POC1A: variants seen among roughly 807,000 people sequenced by gnomAD.
POC1A encodes POC1 centriolar protein A.
In POC1A, 34 loss-of-function variants were observed where a neutral mutation model predicts 47.8. The observed-to-expected ratio is 0.71, with a 90% CI of 0.54 to 0.95. The LOEUF (loss-of-function observed/expected upper bound fraction) is 0.95, where lower values mean the gene tolerates loss of function less well. Among genes scored for constraint, POC1A ranks in the 40% least tolerant of loss-of-function variants. The pLI is 0.00. For missense variants in POC1A, 466 were observed against 528.3 expected, an observed-to-expected ratio of 0.88 and a Z score of 1.16; for synonymous variants, 177 against 207.6, an observed-to-expected ratio of 0.85 and a Z score of 1.27.
At chr3:52,125,417 G>C (rs1703960319) in intron 7 of POC1A, among the ~76,000 whole-genome samples, 1 of 152,164 alleles carries the variant, frequency 6.6e-6, no homozygotes, top group Admixed American at 6.5e-5. Flanking sequence ...CAGGCTATGA[G>C]AATGTGGGTG....
At chr3:52,103,676 G>T (rs1285585528) in intron 9 of POC1A, among the ~76,000 whole-genome samples, 2 of 152,074 alleles carry the variant, frequency 1.3e-5, no homozygotes, top group African/African-American at 4.8e-5. Context: ...AGAAAAAATT[G>T]ATAAAATGAA....
At position 52,111,205 on chromosome 3, in the gene POC1A, AT is replaced by A. The variant is rs202149541; in HGVS notation, c.981+11173del. 8.6e-3 allele frequency among the ~76,000 whole-genome samples: 1,316 copies of A among 152,248 alleles called. 25 individuals are homozygous for A. Among genetic ancestry groups the A allele is most frequent in the African/African-American group, 0.03 (1,265 of 41,532 alleles). On this transcript the variant is annotated intron_variant, in intron 9 of 10. Coordinates refer to ENST00000296484, the MANE Select transcript of POC1A (RefSeq NM_015426.5). Reference sequence around the variant, plus strand: ...CTACTTGCTTTTAGAATGGATGGAAATTTTTCTAGTGACAGGAAACACCATT... The same window carrying A: ...CTACTTGCTTTTAGAATGGATGGAAATTTTCTAGTGACAGGAAACACCATT...
At position 52,096,791 on chromosome 3, in the gene POC1A, G is replaced by C. The variant is rs372443652; in HGVS notation, c.982-79C>G. On this transcript the variant is annotated intron_variant, in intron 9 of 10. Transcript: ENST00000296484. ...TGTGAGAGGAATAGCCCCTCCAAAGGATGAAAGGGAAAACCACCAGCAAAT... is the reference window on the plus strand; with the variant it reads ...TGTGAGAGGAATAGCCCCTCCAAAGCATGAAAGGGAAAACCACCAGCAAAT... 226 of 1,302,086 alleles carry C rather than the reference G, an allele frequency of 1.7e-4. 1 individual carries two copies. The African/African-American group carries it at 2.6e-3, about 15-fold the overall frequency. The allele number at this position is 1,302,086 out of a possible 1,614,324, so 80.7% of individuals were successfully genotyped here. A position where few individuals can be genotyped will look rare whatever the true frequency, so the allele number is the denominator to read the frequency against.
At chr3:52,118,986 A>C (rs1241190592) in intron 9 of POC1A, among the ~76,000 whole-genome samples, 1 of 151,384 alleles carries the variant, frequency 6.6e-6, no homozygotes, top group African/African-American at 2.4e-5. Flanking sequence ...AAAACCAAGT[A>C]GTTGCTAAAG....
At position 52,084,395 on chromosome 3, in the gene POC1A, C is replaced by T. The variant is rs573306594; in HGVS notation, c.1126-8410G>A. On this transcript the variant is annotated intron_variant, in intron 10 of 10. Coordinates refer to ENST00000296484, the MANE Select transcript of POC1A (RefSeq NM_015426.5). The surrounding 1 kb of genome is among the most constrained non-coding windows in gnomAD (Gnocchi z 4.3). ...GAGGAGTTGTGGGACACTCACGACC[C>T]GCCTTGGGGGCAGCCAACAACATCA... Among the ~76,000 whole-genome samples the T allele has an allele frequency of 1.2e-4, 19 of 152,302 alleles. No individual in the cohort carries two copies. Among genetic ancestry groups the T allele is most frequent in the African/African-American group, 4.1e-4 (17 of 41,550 alleles).
At chr3:52,122,285 C>T (rs1274595693) in intron 9 of POC1A, 94 bp downstream of exon 9, 10 of 725,958 alleles carry the variant, frequency 1.4e-5, no homozygotes, top group African/African-American at 7.0e-5. Context: ...CAGGCCTAAA[C>T]CTCCTCCCTC....
At chr3:52,128,666 C>G (rs1397033584) in intron 7 of POC1A, among the ~76,000 whole-genome samples, 1 of 152,178 alleles carries the variant, frequency 6.6e-6, no homozygotes, top group African/African-American at 2.4e-5. Flanking sequence ...CTTGGAGGCC[C>G]CAGATTACTT....
At chr3:52,147,208 A>T in intron 4 of POC1A, 113 bp from the exon 5 acceptor site, 4 of 719,994 alleles carry the variant, frequency 5.6e-6, no homozygotes, top group Non-Finnish European at 9.6e-6. Flanking sequence ...TGCAGGAACC[A>T]CCCGGGGTCA....
chr3:52,081,504 G>A (rs530835035), intron 10 of POC1A, among the ~76,000 whole-genome samples: 32 of 152,016 alleles, frequency 2.1e-4, no homozygotes, highest in East Asian at 1.7e-3. Flanking sequence ...CTGCTGGGAC[G>A]GAGGGGCAAG....
rs567099215 is a variant in POC1A, at chr3:52,131,674, T to C, written c.814-6493A>G. 2.6e-5 allele frequency among the ~76,000 whole-genome samples: 4 copies of C among 152,302 alleles called. No individual in the cohort carries two copies. In the South Asian group the frequency reaches 8.3e-4, roughly 32 times the overall value. On this transcript the variant is annotated intron_variant, in intron 7 of 10. Coordinates refer to ENST00000296484, the MANE Select transcript of POC1A (RefSeq NM_015426.5). ...GGCAAAGCAAACCCACGAGGGCAGC[T>C]GGTGGGGACACGAGTCTGGGTCGGG...
intron 5 of POC1A, among the ~76,000 whole-genome samples, chr3:52,146,748 G>T (rs1182850001): frequency 6.6e-6 from 1 of 152,218 alleles, no homozygotes; most frequent in Non-Finnish European, 1.5e-5. Flanking sequence ...CCAAAGAATT[G>T]CATGGCTTGA....
At chr3:52,142,197 C>T (rs188431030) in intron 6 of POC1A, among the ~76,000 whole-genome samples, 140 of 152,368 alleles carry the variant, frequency 9.2e-4, no homozygotes, top group Non-Finnish European at 1.6e-3. Context: ...TGGACCTGCA[C>T]GTGCTGTAAG....
chr3:52,120,751 G>C (rs1703751967), intron 9 of POC1A, among the ~76,000 whole-genome samples: 1 of 152,258 alleles, frequency 6.6e-6, no homozygotes, highest in Admixed American at 6.5e-5. Flanking sequence ...TCTAAGCACT[G>C]CTGAGCTGTT....
At chr3:52,085,276 G>A (rs1702422808) in intron 10 of POC1A, among the ~76,000 whole-genome samples, 1 of 152,144 alleles carries the variant, frequency 6.6e-6, no homozygotes, top group South Asian at 2.1e-4. Flanking sequence ...AGGGCTCGAG[G>A]CACTTCCCTC....
At chr3:52,152,498 A>G (rs957211387) in intron 1 of POC1A, among the ~76,000 whole-genome samples, 3 of 152,136 alleles carry the variant, frequency 2.0e-5, no homozygotes, top group Admixed American at 1.3e-4. Flanking sequence ...TGAACCCAGG[A>G]GGAGGAGGTT....
chr3:52,146,933 G>A, intron 5 of POC1A, 55 bp downstream of exon 5: 1 of 1,426,302 alleles, frequency 7.0e-7, no homozygotes, highest in Non-Finnish European at 9.9e-7. Flanking sequence ...TCATGCCCAG[G>A]TCTGTGCTCT....
At chr3:52,100,070 G>C (rs1322458863) in intron 9 of POC1A, among the ~76,000 whole-genome samples, 2 of 152,124 alleles carry the variant, frequency 1.3e-5, no homozygotes, top group Non-Finnish European at 2.9e-5. Flanking sequence ...GTGGGACTCT[G>C]GCCTCTCACA....
intron 9 of POC1A, among the ~76,000 whole-genome samples, chr3:52,110,003 G>GC (rs1436990484): frequency 6.6e-6 from 1 of 151,960 alleles, no homozygotes; most frequent in African/African-American, 2.4e-5. Context: ...CATGTCATCT[G>GC]CCCCCCAAAA....
rs554848809 is a variant in POC1A at position 52,079,747 on chromosome 3, C to G, written c.1126-3762G>C. ...CGAAGGGGTTGAGGAGTCCAGGGCT[C>G]TGGCTGCTAGAGGGGCAGCCTGGGC... On this transcript the variant is annotated intron_variant, in intron 10 of 10. Coordinates refer to ENST00000296484, the MANE Select transcript of POC1A (RefSeq NM_015426.5). The surrounding 1 kb of genome is among the most constrained non-coding windows in gnomAD (Gnocchi z 4.6). 6.6e-6 allele frequency among the ~76,000 whole-genome samples: 1 copy of G among 152,324 alleles called. No individual in the cohort carries two copies. The highest frequency in any genetic ancestry group is 1.9e-4 in the East Asian group (1 of 5,184).
Sources: gnomAD v4.1 joint callset for allele counts (sites outside exome capture counted in the v4.1 genomes callset) on GRCh38, gnomAD v4.1.1 for gene constraint, Gnocchi (gnomAD v3.1) non-coding constraint, MANE v1.5 for transcripts, NCBI Gene and HGNC (gene_info 2026-07-23, HGNC 2026-07-21) for gene names.